CLASP1: variants seen among roughly 807,000 people sequenced by gnomAD.
CLASP1 encodes the protein cytoplasmic linker associated protein 1.
A neutral mutation model predicts 192.3 loss-of-function variants in CLASP1; 38 were observed. The observed-to-expected ratio is 0.20, with a 90% confidence interval of 0.15 to 0.26. The LOEUF is 0.26. Among genes scored for constraint, CLASP1 ranks in the 10% least tolerant of loss-of-function variants. The pLI, the probability that CLASP1 is intolerant of heterozygous loss-of-function variation, is 1.00. For missense variants in CLASP1, 1,433 were observed against 1,932.5 expected, an observed-to-expected ratio of 0.74 and a Z score of 4.85; for synonymous variants, 691 against 712.8, an observed-to-expected ratio of 0.97 and a Z score of 0.49.
In CLASP1 at chr2:121,576,191, T is replaced by A. The variant is rs556723512; in HGVS notation, c.195+29510A>T. 2.0e-3 allele frequency among the ~76,000 whole-genome samples: 308 copies of A among 151,568 alleles called. 1 individual carries two copies. The highest frequency in any genetic ancestry group is 5.8e-3 in the African/African-American group (242 of 41,442). ...ACTAAGCAAGGTGTTACAGGTAAAA[T>A]TTTTTTTTTAAAAAAAGGGGGTAGA... On this transcript the variant is annotated intron_variant, in intron 2 of 39. Coordinates refer to ENST00000263710, the Ensembl canonical transcript of CLASP1.
At chr2:121,498,158 C>T (rs2093608202) in intron 8 of CLASP1, among the ~76,000 whole-genome samples, 1 of 150,296 alleles carries the variant, frequency 6.7e-6, no homozygotes, top group Non-Finnish European at 1.5e-5. Flanking sequence ...CCATGCCTGG[C>T]CTCTTTTCTT....
chr2:121,383,242 G>A (rs546312485), intron 32 of CLASP1, among the ~76,000 whole-genome samples: 2 of 152,326 alleles, frequency 1.3e-5, no homozygotes, highest in South Asian at 2.1e-4. Context: ...CCTGCCACTG[G>A]CATTCACTGG....
chr2:121,617,893 T>C (rs2066719263), intron 1 of CLASP1, among the ~76,000 whole-genome samples: 1 of 152,212 alleles, frequency 6.6e-6, no homozygotes, highest in Non-Finnish European at 1.5e-5. Flanking sequence ...GCTCTAGTCA[T>C]ATACGCTGGC....
At chr2:121,344,854 C>G (rs1463697649) in intron 39 of CLASP1, among the ~76,000 whole-genome samples, 3 of 152,032 alleles carry the variant, frequency 2.0e-5, no homozygotes, top group Non-Finnish European at 4.4e-5. Context: ...CATACCAGAG[C>G]TATTACATGA....
intron 33 of CLASP1, among the ~76,000 whole-genome samples, chr2:121,378,683 T>C (rs560300731): frequency 6.6e-4 from 100 of 152,296 alleles, no homozygotes; most frequent in African/African-American, 2.3e-3. Flanking sequence ...CAAGAAAGTT[T>C]CAAGAAAAGA....
chr2:121,568,103 G>A (rs1559634009), intron 2 of CLASP1, among the ~76,000 whole-genome samples: 1 of 152,178 alleles, frequency 6.6e-6, no homozygotes. Flanking sequence ...ACAGAACAGA[G>A]GGAGGATTCA....
At position 121,404,302 on chromosome 2, in the gene CLASP1, G is replaced by T; in HGVS notation, c.2733+69C>A. ...TATCGGGAATTCTCTCTCATTCTTG[G>T]GTAGTATATCACACAGAGCACACAG... is the stretch of plus-strand genomic sequence containing the variant. On this transcript the variant is annotated intron_variant, in intron 26 of 39. Coordinates refer to ENST00000263710, the Ensembl canonical transcript of CLASP1. 3 of 1,576,488 alleles carry T rather than the reference G, an allele frequency of 1.9e-6. No individual in the cohort carries two copies. The South Asian group carries it at 3.5e-5, about 18-fold the overall frequency.
intron 35 of CLASP1, 67 bp downstream of exon 36, chr2:121,367,521 G>A (rs2067661052): frequency 1.9e-6 from 3 of 1,599,700 alleles, no homozygotes; most frequent in Non-Finnish European, 2.6e-6. Flanking sequence ...GCCTGGTGCT[G>A]GCCAGACGGG....
At chr2:121,445,434 T>C in intron 19 of CLASP1, 1 of 1,287,430 alleles carries the variant, frequency 7.8e-7, no homozygotes. Context: ...CAGCAAAAGC[T>C]GTCGAGCATG....
intron 37 of CLASP1, among the ~76,000 whole-genome samples, chr2:121,361,267 G>A (rs2066350584): frequency 6.6e-6 from 1 of 152,248 alleles, no homozygotes; most frequent in African/African-American, 2.4e-5. Context: ...GGAGGTTACA[G>A]TGAGCACAGG....
intron 1 of CLASP1, among the ~76,000 whole-genome samples, chr2:121,638,933 T>TGCTGGGATTACAGGCATGAGCC: frequency 6.6e-6 from 1 of 152,224 alleles, no homozygotes; most frequent in East Asian, 1.9e-4. Flanking sequence ...CCTCCCCAAA[T>TGCTGGGATTACAGGCATGAGCC]GCTGGGATTA....
intron 2 of CLASP1, among the ~76,000 whole-genome samples, chr2:121,596,775 A>G (rs1290830570): frequency 6.6e-6 from 1 of 152,114 alleles, no homozygotes; most frequent in Non-Finnish European, 1.5e-5. Flanking sequence ...AGCATACCCT[A>G]ATGTTTCTTC....
At chr2:121,621,300 G>GT (rs901731150) in intron 1 of CLASP1, among the ~76,000 whole-genome samples, 15 of 152,006 alleles carry the variant, frequency 9.9e-5, no homozygotes, top group Non-Finnish European at 1.9e-4. Flanking sequence ...TCTAAGAGTT[G>GT]TTTTTTTCTT....
chr2:121,647,161 AGTT>A (rs2073331073), intron 1 of CLASP1, among the ~76,000 whole-genome samples: 2 of 152,078 alleles, frequency 1.3e-5, no homozygotes, highest in Non-Finnish European at 2.9e-5. Flanking sequence ...GGAGGTCAGG[AGTT>A]CAAGACCAGC....
chr2:121,588,377 C>A (rs1378982584), intron 2 of CLASP1, among the ~76,000 whole-genome samples: 3 of 151,936 alleles, frequency 2.0e-5, no homozygotes, highest in Non-Finnish European at 2.9e-5. Flanking sequence ...TGGCAACATG[C>A]CCATAAAAAT....
At chr2:121,559,533 G>A (rs527393386) in intron 2 of CLASP1, among the ~76,000 whole-genome samples, 31 of 152,224 alleles carry the variant, frequency 2.0e-4, no homozygotes, top group African/African-American at 6.3e-4. Flanking sequence ...ATGCTACAAC[G>A]TGGGTAAACC....
At position 121,544,133 on chromosome 2, in the gene CLASP1, G is replaced by A. The variant is rs748558482; in HGVS notation, c.196-13808C>T. On this transcript the variant is annotated intron_variant, in intron 2 of 39. Transcript: ENST00000263710. ...GACACCCAAGTCAAATCACTCTTCT[G>A]TGTCTACTTTTTCCAGAGAACCATC... Among the ~76,000 whole-genome samples, 268 of 152,282 alleles carry A rather than the reference G, an allele frequency of 1.8e-3. 2 individuals are homozygous for A. Among genetic ancestry groups the A allele is most frequent in the Non-Finnish European group, 1.4e-3 (93 of 68,028 alleles).
chr2:121,482,372 T>A (rs769555680), intron 8 of CLASP1, among the ~76,000 whole-genome samples: 1 of 151,960 alleles, frequency 6.6e-6, no homozygotes, highest in Non-Finnish European at 1.5e-5. Flanking sequence ...GGAGTTAGGG[T>A]TCCTGAAGTT....
intron 1 of CLASP1, among the ~76,000 whole-genome samples, chr2:121,623,784 G>A (rs1054897986): frequency 6.6e-6 from 1 of 152,102 alleles, no homozygotes; most frequent in Non-Finnish European, 1.5e-5. Flanking sequence ...GGAGGCAAAC[G>A]CTGCAGTGAG....
Sources: allele counts gnomAD v4.1 joint callset (sites outside exome capture counted in the v4.1 genomes callset), GRCh38; gene constraint gnomAD v4.1.1; transcripts MANE v1.5; gene names NCBI Gene and HGNC (gene_info 2026-07-23, HGNC 2026-07-21).